Variants in CALN1 observed in about 807,000 individuals in gnomAD.
CALN1 encodes calcium-binding protein 8.
A neutral mutation model predicts 30.6 loss-of-function variants in CALN1; 17 were observed. The observed-to-expected ratio is 0.56, with a 90% CI of 0.38 to 0.83. CALN1 has a LOEUF of 0.83. Ranked by LOEUF, CALN1 falls within the 40% of genes least tolerant of loss-of-function variation. CALN1 has a pLI of 0.00. For synonymous variants in CALN1, 156 were observed against 131.4 expected (o/e 1.19, Z -1.28); for missense variants, 291 against 354.9 (o/e 0.82, Z 1.45).
intron 1 of CALN1, among the ~76,000 whole-genome samples, chr7:72,409,504 G>T (rs1405022215): frequency 6.8e-6 from 1 of 146,404 alleles, no homozygotes; most frequent in Admixed American, 6.8e-5. Context: ...TGAGTGGACT[G>T]GCCAACCTCA....
chr7:71,850,950 T>C (rs888449734), intron 5 of CALN1, among the ~76,000 whole-genome samples: 3 of 152,170 alleles, frequency 2.0e-5, no homozygotes, highest in African/African-American at 4.8e-5. Flanking sequence ...CAGTGGCTCA[T>C]GCCTCTAATC....
At chr7:72,188,654 A>T (rs73141560) in intron 3 of CALN1, among the ~76,000 whole-genome samples, 26,811 of 152,070 alleles carry the variant, frequency 0.18, 2,960 homozygotes, top group Admixed American at 0.28. Context: ...CCACTAAAGA[A>T]CTTACTCACG....
chr7:72,262,491 A>G (rs570748686), intron 3 of CALN1, among the ~76,000 whole-genome samples: 2 of 152,262 alleles, frequency 1.3e-5, no homozygotes, highest in South Asian at 4.1e-4. Flanking sequence ...TAGTTCTTCA[A>G]CGTGCCCTTT....
At chr7:71,922,739 T>C (rs933228290) in intron 5 of CALN1, among the ~76,000 whole-genome samples, 1 of 122,834 alleles carries the variant, frequency 8.1e-6, no homozygotes, top group East Asian at 2.5e-4. Flanking sequence ...ACAGAATATA[T>C]TATATATAAA....
chr7:72,185,093 C>T (rs1222122734), intron 3 of CALN1, among the ~76,000 whole-genome samples: 1 of 152,122 alleles, frequency 6.6e-6, no homozygotes, highest in Non-Finnish European at 1.5e-5. Flanking sequence ...GCTTGAGCCA[C>T]CACACCCAGC....
chr7:71,915,046 C>T (rs1562896361), intron 5 of CALN1, among the ~76,000 whole-genome samples: 1 of 152,224 alleles, frequency 6.6e-6, no homozygotes, highest in Non-Finnish European at 1.5e-5. Flanking sequence ...TACACAAACA[C>T]TTCCTGTGTT....
chr7:72,188,846 C>G (rs1790397301), intron 3 of CALN1, among the ~76,000 whole-genome samples: 1 of 152,118 alleles, frequency 6.6e-6, no homozygotes, highest in African/African-American at 2.4e-5. Context: ...TTCTCAGGAG[C>G]TGACTCAGGT....
At chr7:72,219,044 C>A (rs377192810) in intron 3 of CALN1, among the ~76,000 whole-genome samples, 1 of 152,182 alleles carries the variant, frequency 6.6e-6, no homozygotes, top group African/African-American at 2.4e-5. Context: ...TGAATTACCC[C>A]ACTCTTGACT....
intron 1 of CALN1, among the ~76,000 whole-genome samples, chr7:72,434,139 C>T (rs1202483501): frequency 6.6e-6 from 1 of 151,916 alleles, no homozygotes; most frequent in East Asian, 1.9e-4. Context: ...CTTGCCACCT[C>T]ACCCCCAAAT....
intron 2 of CALN1, among the ~76,000 whole-genome samples, chr7:72,361,455 A>C (rs1005563153): frequency 1.3e-5 from 2 of 152,192 alleles, no homozygotes; most frequent in African/African-American, 2.4e-5. Context: ...ACAGTGAGCT[A>C]TGATGGCACC....
chr7:72,192,629 TTATTATTA>T (rs1562714850), intron 3 of CALN1, among the ~76,000 whole-genome samples: 22 of 2,170 alleles, frequency 0.01, no homozygotes, highest in African/African-American at 0.012. Context: ...ATTTCTTTTA[TTATTATTA>T]TTATTATTAT....
intron 5 of CALN1, among the ~76,000 whole-genome samples, chr7:71,816,609 A>C (rs535212518): frequency 4.6e-5 from 7 of 152,246 alleles, no homozygotes; most frequent in Admixed American, 2.6e-4. Context: ...AGGCCAAAAG[A>C]TTGGTCAGGA....
chr7:71,885,019 T>G (rs2116841858), intron 5 of CALN1, among the ~76,000 whole-genome samples: 1 of 152,362 alleles, frequency 6.6e-6, no homozygotes, highest in Admixed American at 6.5e-5. Flanking sequence ...ATTCCCTTTC[T>G]ATCAATTCCA....
intron 2 of CALN1, among the ~76,000 whole-genome samples, chr7:72,296,564 T>C: frequency 6.8e-6 from 1 of 147,798 alleles, no homozygotes; most frequent in Non-Finnish European, 1.5e-5. Flanking sequence ...TATTCAGAGA[T>C]TCAACTTCTT....
At chr7:71,890,217 G>A (rs1455357846) in intron 5 of CALN1, among the ~76,000 whole-genome samples, 4 of 152,076 alleles carry the variant, frequency 2.6e-5, no homozygotes, top group South Asian at 2.1e-4. Context: ...CGATCCTCCC[G>A]CCTCAGCCTC....
chr7:72,363,155 G>C (rs1223638023), intron 2 of CALN1, among the ~76,000 whole-genome samples: 1 of 152,176 alleles, frequency 6.6e-6, no homozygotes, highest in Admixed American at 6.5e-5. Flanking sequence ...AGTTATTTTT[G>C]CTGATCCTCT....
chr7:72,338,470 AGTGTGTGTGTGTGTGTGTGTGTGTGTGT>A (rs56695086), intron 2 of CALN1, among the ~76,000 whole-genome samples: 4 of 74,760 alleles, frequency 5.4e-5, no homozygotes, highest in African/African-American at 1.7e-4. Context: ...CCAGCAGCAC[AGTGTGTGTGTGTGTGTGTGTGTGTGTGT>A]GTGTGTGTGT....
At chr7:71,970,146 G>A (rs992540350) in intron 5 of CALN1, among the ~76,000 whole-genome samples, 1 of 152,120 alleles carries the variant, frequency 6.6e-6, no homozygotes, top group African/African-American at 2.4e-5. Flanking sequence ...ACCACGCCCG[G>A]CCCAGCAACC....
intron 2 of CALN1, among the ~76,000 whole-genome samples, chr7:72,288,474 AAC>A (rs951658903): frequency 3.9e-5 from 6 of 152,170 alleles, no homozygotes; most frequent in African/African-American, 1.4e-4. Flanking sequence ...GAATACAGCC[AAC>A]ACTTAGGGGG....
Sources: allele counts gnomAD v4.1 joint callset (sites outside exome capture counted in the v4.1 genomes callset), GRCh38; gene constraint gnomAD v4.1.1; transcripts MANE v1.5; gene names NCBI Gene and HGNC (gene_info 2026-07-23, HGNC 2026-07-21).